Variants in IFRD2 observed in about 807,000 individuals in gnomAD.
IFRD2 encodes the protein interferon-related developmental regulator 2.
Under a neutral mutation model 49.2 loss-of-function variants are expected in IFRD2, and 35 were observed. That is an observed-to-expected ratio of 0.71 (90% confidence interval 0.54 to 0.94). IFRD2 has a LOEUF of 0.94. IFRD2 is among the 40% of genes least tolerant of loss of function. The probability of loss-of-function intolerance (pLI) is 0.00; values close to 1 mark genes in which losing one functional copy is unlikely to be tolerated. For missense variants in IFRD2, 561 were observed against 591.6 expected, an observed-to-expected ratio of 0.95 and a Z score of 0.54; for synonymous variants, 275 against 239.7, an observed-to-expected ratio of 1.15 and a Z score of -1.36.
In IFRD2 at chr3:50,287,736, G is replaced by A. The variant is rs992252949; in HGVS notation, c.*455C>T. ...GAACAGAAAAATACCCAGGGGTTAA[G>A]ACCACAGAAGGCTGACCGTTCTGTT... On this transcript the variant is annotated 3_prime_UTR_variant, in exon 12 of 12. Coordinates refer to ENST00000417626, the MANE Select transcript of IFRD2 (RefSeq NM_006764.5). 3 of 214,660 alleles carry A rather than the reference G, an allele frequency of 1.4e-5. No homozygotes were observed. Among genetic ancestry groups the A allele is most frequent in the African/African-American group, 2.3e-5 (1 of 43,652 alleles). The allele number at this position is 214,660 out of a possible 1,614,324, so 13.3% of individuals were successfully genotyped here. A position where few individuals can be genotyped will look rare whatever the true frequency, so the allele number is the denominator to read the frequency against.
rs1248694675 is a variant in IFRD2, at chr3:50,288,565, C to T, written c.1152+18G>A. 4 of 1,613,850 alleles carry T rather than the reference C, an allele frequency of 2.5e-6. No homozygotes were observed. The highest frequency in any genetic ancestry group is 2.5e-6 in the Non-Finnish European group (3 of 1,179,886). On this transcript the variant is annotated intron_variant, in intron 10 of 11. Transcript: ENST00000417626. ...GAAGCAACCACACCAGATGTCCCCT[C>T]CCTGTCCGTCCCCGCACCTGGAGGT...
In IFRD2 at chr3:50,290,391, T is replaced by C; in HGVS notation, c.260A>G (p.Lys87Arg). The change falls in exon 3 of 12, where the codon AAG (lysine) becomes AGG (arginine). Residue 87 changes from lysine to arginine, a missense_variant. Physicochemically the swap from Lys to Arg is conservative, Grantham distance 26. Coordinates refer to ENST00000417626, the MANE Select transcript of IFRD2 (RefSeq NM_006764.5). ...LKEYVDCLTD[K>R]SAKTRQGALE... Reference sequence around the variant, plus strand: ...GTTGGCTGGCAGCCAGGGGTACCTCTTGTCTGTGAGACAGTCCACATACTC... The same window carrying C: ...GTTGGCTGGCAGCCAGGGGTACCTCCTGTCTGTGAGACAGTCCACATACTC... 1.9e-6 allele frequency: 3 copies of C among 1,583,868 alleles called. No homozygotes were observed. Among genetic ancestry groups the C allele is most frequent in the Non-Finnish European group, 2.6e-6 (3 of 1,164,420 alleles).
intron 1 of IFRD2, among the ~76,000 whole-genome samples, chr3:50,291,010 T>C (rs1307722703): frequency 4.1e-5 from 6 of 144,718 alleles, no homozygotes; most frequent in East Asian, 2.0e-4. Flanking sequence ...CCGCCACCTT[T>C]TTTTTTTTTT....
rs1360787444 is a variant in IFRD2, at chr3:50,291,949, C to T, written c.58+268G>A. The T allele has an allele frequency of 8.2e-6, 4 of 489,536 alleles. No homozygotes were observed. The Admixed American group carries it at 1.6e-4, about 19-fold the overall frequency. 30.3% of individuals were successfully genotyped at this position (489,536 alleles called of 1,614,324 possible). ...CTGCCCTGTCCGGTGAGTTTGTCCA[C>T]CCAGCAGGCAACTGAGGCCCGGAGG... On this transcript the variant is annotated intron_variant, in intron 1 of 11. Transcript: ENST00000417626.
chr3:50,288,278 T>C lies in IFRD2; in HGVS notation c.1249-7A>G, dbSNP rs1701596175. 2 of 1,612,726 alleles carry C rather than the reference T, an allele frequency of 1.2e-6. No homozygotes were observed. Among genetic ancestry groups the C allele is most frequent in the African/African-American group, 1.3e-5 (1 of 74,796 alleles). The stretch of plus-strand genomic sequence containing the variant: ...CAGCAGCATTGTACAGGTGCTAGAG[T>C]GGGGACAGAGAGTGACACCCTGGGG... On this transcript the variant is annotated splice_polypyrimidine_tract_variant and splice_region_variant and intron_variant, in intron 11 of 11. Coordinates refer to ENST00000417626, the MANE Select transcript of IFRD2 (RefSeq NM_006764.5).
Position 50,289,716 on chromosome 3 carries a change from A to T in IFRD2, c.593T>A (p.Ile198Asn). 6.2e-7 allele frequency: 1 copy of T among 1,602,516 alleles called. No homozygotes were observed. Among genetic ancestry groups the T allele is most frequent in the Non-Finnish European group, 8.5e-7 (1 of 1,174,770 alleles). The stretch of plus-strand genomic sequence containing the variant: ...CTGTGCCCAAAGACCCCTCACCTGG[A>T]TGTCAGCGGCAGCCACGTAGCAGCC... ...GLGCYVAAAD[I>N]QDLVSCLACL... Residue 198 changes from isoleucine to asparagine, a missense_variant, in exon 6 of 12, where the codon ATC becomes AAC. Physicochemically the swap from Ile to Asn is moderately radical, Grantham distance 149. Coordinates refer to ENST00000417626, the MANE Select transcript of IFRD2 (RefSeq NM_006764.5).
rs117692440 is a variant in IFRD2 at position 50,290,414 on chromosome 3, C to T, written c.237G>A (p.Glu79=). The change falls in exon 3 of 12, where the codon GAG becomes GAA. Residue 79 remains glutamate, a synonymous_variant. Transcript: ENST00000417626. ...TCTTGTCTGTGAGACAGTCCACATA[C>T]TCCTTCAGCTTTTCCTCAAGGTCTT... ...QQEDLEEKLK[E]YVDCLTDKSA... 3 of 1,579,316 alleles carry T rather than the reference C, an allele frequency of 1.9e-6. No individual in the cohort carries two copies. In the East Asian group the frequency reaches 7.0e-5, roughly 37 times the overall value.
chr3:50,290,987 T>C (rs1475707108), intron 1 of IFRD2, among the ~76,000 whole-genome samples: 1 of 147,278 alleles, frequency 6.8e-6, no homozygotes, highest in South Asian at 2.2e-4. Flanking sequence ...GCCTGCGCAC[T>C]GGCCTCTGCT....
intron 1 of IFRD2, chr3:50,292,003 G>A (rs1701685821): frequency 3.7e-6 from 2 of 547,790 alleles, no homozygotes; most frequent in African/African-American, 2.0e-5. Flanking sequence ...TGGGAGCGCG[G>A]ACTCCCAACA....
intron 1 of IFRD2, among the ~76,000 whole-genome samples, chr3:50,291,007 C>CCTTT (rs1491472231): frequency 2.1e-5 from 2 of 94,402 alleles, no homozygotes; most frequent in South Asian, 3.1e-4. Flanking sequence ...TCCCCGCCAC[C>CCTTT]TTTTTTTTTT....
rs368351951 is a variant in IFRD2, at chr3:50,288,514, A to C, written c.1153-10T>G. On this transcript the variant is annotated splice_polypyrimidine_tract_variant and intron_variant, in intron 10 of 11. Coordinates refer to ENST00000417626, the MANE Select transcript of IFRD2 (RefSeq NM_006764.5). ...GGAGTAGCTCATTGTTCTGGGGGGC[A>C]GAGGGCAGTGAGCTCAGGCCAGACT... The C allele has an allele frequency of 8.5e-5, 137 of 1,613,870 alleles. 1 individual carries two copies. The highest frequency in any genetic ancestry group is 2.0e-5 in the Non-Finnish European group (24 of 1,179,870).
chr3:50,291,161 C>T (rs1313563666), intron 1 of IFRD2, among the ~76,000 whole-genome samples: 1 of 152,002 alleles, frequency 6.6e-6, no homozygotes, highest in Non-Finnish European at 1.5e-5. Flanking sequence ...TACAGGCATA[C>T]GACACCACAC....
chr3:50,292,346 G>T lies in IFRD2; in HGVS notation c.-72C>A. The stretch of plus-strand genomic sequence containing the variant: ...GTGGGCTCCAGGCCAACGAGACGCC[G>T]GCCGGTGCGCTGCGCTGAGACTTGG... On this transcript the variant is annotated 5_prime_UTR_variant, in exon 1 of 12. Transcript: ENST00000417626. The T allele has an allele frequency of 1.3e-6, 2 of 1,566,716 alleles. No individual in the cohort carries two copies. Among genetic ancestry groups the T allele is most frequent in the Non-Finnish European group, 1.7e-6 (2 of 1,159,918 alleles).
At chr3:50,289,095 C>T (rs1701618093) in intron 8 of IFRD2, 158 bp from the exon 9 acceptor site, 1 of 1,181,462 alleles carries the variant, frequency 8.5e-7, no homozygotes. Flanking sequence ...GACACCACTG[C>T]TGAGGGCACC....
chr3:50,289,486 G>A lies in IFRD2; in HGVS notation c.740C>T (p.Thr247Ile). 6.3e-7 allele frequency: 1 copy of A among 1,584,068 alleles called. No homozygotes were observed. The highest frequency in any genetic ancestry group is 1.1e-5 in the South Asian group (1 of 87,028). Residue 247 changes from threonine (T) to isoleucine (I), a missense_variant, in exon 7 of 12, where the codon ACC (threonine) becomes ATC (isoleucine). Thr to Ile is a moderately conservative substitution (Grantham distance 89). Transcript: ENST00000417626. The part of the protein sequence containing the change: ...AALQAWALLL[T>I]ICPSTQISHI... ...GCTGATTTGGGTGCTAGGGCAGATG[G>A]TGAGCAGCAATGCCCAGGCCTGCAG...
chr3:50,289,734 T>A lies in IFRD2; in HGVS notation c.575A>T (p.Tyr192Phe), dbSNP rs1575490765. The A allele has an allele frequency of 1.2e-6, 2 of 1,603,762 alleles. No individual in the cohort carries two copies. The change falls in exon 6 of 12, where the codon TAC (tyrosine) becomes TTC (phenylalanine). Residue 192 changes from tyrosine (Y) to phenylalanine (F), a missense_variant. Tyr to Phe is a conservative substitution (Grantham distance 22). Coordinates refer to ENST00000417626, the MANE Select transcript of IFRD2 (RefSeq NM_006764.5). ...CACCTGGATGTCAGCGGCAGCCACG[T>A]AGCAGCCCAGGCCAAGGGCAGAAGC... is the stretch of plus-strand genomic sequence containing the variant. ...HCASALGLGC[Y>F]VAAADIQDLV...
At position 50,288,446 on chromosome 3, in the gene IFRD2, G is replaced by C. The variant is rs782423424; in HGVS notation, c.1211C>G (p.Thr404Ser). ...TGGAACCTTGCAGGCCTTCAGGGCA[G>C]TGGCATCCAGCAACAGCACAGGGCC... ...GLGPVLLLDA[T>S]ALKACKVPRF... Residue 404 changes from threonine (T) to serine (S), a missense_variant, in exon 11 of 12, where the codon ACT becomes AGT. Thr to Ser is a moderately conservative substitution (Grantham distance 58). Transcript: ENST00000417626. The C allele has an allele frequency of 1.2e-6, 2 of 1,613,836 alleles. No homozygotes were observed. Among genetic ancestry groups the C allele is most frequent in the Admixed American group, 3.3e-5 (2 of 59,988 alleles).
Position 50,290,371 on chromosome 3 carries a change from C to T in IFRD2, c.263+17G>A. On this transcript the variant is annotated intron_variant, in intron 3 of 11. Coordinates refer to ENST00000417626, the MANE Select transcript of IFRD2 (RefSeq NM_006764.5). ...ACTTGGAGCTGGGTGTAGGAGTTGG[C>T]TGGCAGCCAGGGGTACCTCTTGTCT... The T allele has an allele frequency of 6.3e-7, 1 of 1,590,022 alleles. No individual in the cohort carries two copies.
At position 50,292,374 on chromosome 3, in the gene IFRD2, A is replaced by G. The variant is rs587621795; in HGVS notation, c.-100T>C. 7.7e-5 allele frequency: 121 copies of G among 1,577,974 alleles called. No homozygotes were observed. In the African/African-American group the frequency reaches 1.0e-3, roughly 14 times the overall value. On this transcript the variant is annotated 5_prime_UTR_variant, in exon 1 of 12. Coordinates refer to ENST00000417626, the MANE Select transcript of IFRD2 (RefSeq NM_006764.5). Reference sequence around the variant, plus strand: ...CGGTGCGCTGCGCTGAGACTTGGCCAGACGACGGGAGCCACACGCCACGCG... The same window carrying G: ...CGGTGCGCTGCGCTGAGACTTGGCCGGACGACGGGAGCCACACGCCACGCG...
Sources: gnomAD v4.1 joint callset for allele counts (sites outside exome capture counted in the v4.1 genomes callset) on GRCh38, gnomAD v4.1.1 for gene constraint, MANE v1.5 for transcripts, NCBI Gene and HGNC (gene_info 2026-07-23, HGNC 2026-07-21) for gene names.